The following LCP1 variants were observed in gnomAD, a reference collection of about 807,000 sequenced individuals.
LCP1 encodes the protein lymphocyte cytosolic protein 1, also known as plastin-2.
A neutral mutation model predicts 72.0 loss-of-function variants in LCP1; 23 were observed. The observed-to-expected ratio is 0.32, with a 90% confidence interval of 0.23 to 0.45. LCP1 has a LOEUF of 0.45. LCP1 is among the 20% of genes least tolerant of loss of function. The pLI, the probability that LCP1 is intolerant of heterozygous loss-of-function variation, is 1.00. For missense variants in LCP1, 571 were observed against 748.3 expected, an observed-to-expected ratio of 0.76 and a Z score of 2.76; for synonymous variants, 245 against 275.4, an observed-to-expected ratio of 0.89 and a Z score of 1.09.
chr13:46,139,453 T>C lies in LCP1; in HGVS notation c.1502+2839A>G, dbSNP rs571678873. 7.2e-5 allele frequency among the ~76,000 whole-genome samples: 11 copies of C among 152,368 alleles called. No homozygotes were observed. The East Asian group carries it at 2.1e-3, about 29-fold the overall frequency. The stretch of plus-strand genomic sequence containing the variant: ...GGATCTGCAGACAGTGGCTTGGAAC[T>C]AAAGCTGCAGTGCCTAGGCACACCA... On this transcript the variant is annotated intron_variant, in intron 13 of 15. Coordinates refer to ENST00000323076, the MANE Select transcript of LCP1 (RefSeq NM_002298.5).
At chr13:46,167,918 G>A (rs1045312399) in intron 1 of LCP1, among the ~76,000 whole-genome samples, 16 of 152,174 alleles carry the variant, frequency 1.1e-4, no homozygotes, top group South Asian at 2.1e-4. Flanking sequence ...GAGTTCTGAC[G>A]ATCAAAAACG....
intron 13 of LCP1, among the ~76,000 whole-genome samples, 198 bp downstream of exon 13, chr13:46,142,091 TAAC>T (rs1429481200): frequency 1.3e-5 from 2 of 150,308 alleles, no homozygotes; most frequent in Non-Finnish European, 3.0e-5. Context: ...ATGAACCTAA[TAAC>T]AGAGTTTCAC....
intron 14 of LCP1, among the ~76,000 whole-genome samples, chr13:46,131,908 G>C (rs1373326507): frequency 6.6e-6 from 1 of 152,008 alleles, no homozygotes; most frequent in African/African-American, 2.4e-5. Context: ...TCAGCACTAT[G>C]CTCACTATTT....
At chr13:46,172,402 T>A (rs1185577420) in intron 1 of LCP1, among the ~76,000 whole-genome samples, 1 of 151,878 alleles carries the variant, frequency 6.6e-6, no homozygotes, top group Non-Finnish European at 1.5e-5. Context: ...GAGAATCACT[T>A]GAACCCGGGA....
At chr13:46,155,356 T>C (rs1362363642) in intron 5 of LCP1, among the ~76,000 whole-genome samples, 1 of 152,184 alleles carries the variant, frequency 6.6e-6, no homozygotes, top group East Asian at 1.9e-4. Flanking sequence ...TTTATATCCT[T>C]CTCAGTGCCC....
chr13:46,171,830 C>T (rs915319128), intron 1 of LCP1, among the ~76,000 whole-genome samples: 1 of 152,270 alleles, frequency 6.6e-6, no homozygotes, highest in Non-Finnish European at 1.5e-5. Context: ...TCCAATTATA[C>T]GCAATTTTCT....
rs761106055 is a variant in LCP1, at chr13:46,127,686, C to T, written c.1789G>A (p.Val597Met). 4 of 1,614,066 alleles carry T rather than the reference C, an allele frequency of 2.5e-6. No homozygotes were observed. The highest frequency in any genetic ancestry group is 1.3e-5 in the African/African-American group (1 of 74,920). ...ISMARKIGAR[V>M]YALPEDLVEV... Reference sequence around the variant, plus strand: ...ACCAGGTCTTCTGGCAGGGCATACACTCTTGCTCCAATTTTTCGGGCCATA... The same window carrying T: ...ACCAGGTCTTCTGGCAGGGCATACATTCTTGCTCCAATTTTTCGGGCCATA... Residue 597 changes from valine to methionine, a missense_variant, in exon 16 of 16, where the codon GTG becomes ATG. Transcript: ENST00000323076.
intron 10 of LCP1, 108 bp from the exon 11 acceptor site, chr13:46,144,628 GA>G (rs1447944283): frequency 1.3e-6 from 1 of 754,248 alleles, no homozygotes; most frequent in East Asian, 2.5e-5. Flanking sequence ...TAGAATGAAA[GA>G]AAGAAATAAA....
Position 46,134,109 on chromosome 13 carries a change from G to C in LCP1, c.1626+18C>G. 6.2e-7 allele frequency: 1 copy of C among 1,612,792 alleles called. No homozygotes were observed. Among genetic ancestry groups the C allele is most frequent in the Non-Finnish European group, 8.5e-7 (1 of 1,179,282 alleles). On this transcript the variant is annotated intron_variant, in intron 14 of 15. Transcript: ENST00000323076. ...CATAGAGCTCAGATGGCCTCTAGCA[G>C]AAGACAAAGAATTTTACCTTGAAAC...
intron 5 of LCP1, 102 bp downstream of exon 5, chr13:46,156,336 G>T: frequency 7.2e-7 from 1 of 1,386,166 alleles, no homozygotes. Context: ...TCTAGGTGCA[G>T]CTGAGCACCA....
chr13:46,174,667 A>G (rs2045919625), intron 1 of LCP1, among the ~76,000 whole-genome samples: 1 of 152,020 alleles, frequency 6.6e-6, no homozygotes, highest in South Asian at 2.1e-4. Flanking sequence ...AATGTGGTGA[A>G]ACCCTGTCTC....
intron 13 of LCP1, 89 bp from the exon 14 acceptor site, chr13:46,134,339 G>A (rs1040023884): frequency 2.6e-5 from 33 of 1,253,100 alleles, no homozygotes; most frequent in South Asian, 4.0e-5. Flanking sequence ...TTTTTTTTTC[G>A]GGTATGTCAT....
intron 1 of LCP1, among the ~76,000 whole-genome samples, chr13:46,172,652 G>A (rs183234770): frequency 2.6e-5 from 4 of 152,264 alleles, no homozygotes; most frequent in East Asian, 3.9e-4. Flanking sequence ...CGTGCTGCTC[G>A]TTCTCACTAG....
At chr13:46,142,685 T>C (rs2045705666) in intron 12 of LCP1, 1 of 561,912 alleles carries the variant, frequency 1.8e-6, no homozygotes, top group Non-Finnish European at 3.4e-6. Context: ...TTCACAGCTA[T>C]ATCACACTGC....
Position 46,163,074 on chromosome 13 carries a change from C to G in LCP1, c.-24-3388G>C, listed in dbSNP as rs983944021. 6.3e-4 allele frequency among the ~76,000 whole-genome samples: 95 copies of G among 151,146 alleles called. 1 individual carries two copies. The highest frequency in any genetic ancestry group is 7.7e-4 in the Non-Finnish European group (52 of 67,708). On this transcript the variant is annotated intron_variant, in intron 1 of 15. Coordinates refer to ENST00000323076, the MANE Select transcript of LCP1 (RefSeq NM_002298.5). ...GGAGGGAGGTGGGGGGCGCCTCTGC[C>G]CTGCCGCCCCTTCTGAGAAGTGAGG...
At chr13:46,147,232 C>T in intron 9 of LCP1, 129 bp from the exon 10 acceptor site, 7 of 782,814 alleles carry the variant, frequency 8.9e-6, no homozygotes, top group Non-Finnish European at 1.3e-5. Flanking sequence ...CACTTAATAA[C>T]AGCACATTAT....
At chr13:46,136,067 C>T (rs1486001149) in intron 13 of LCP1, among the ~76,000 whole-genome samples, 1 of 134,180 alleles carries the variant, frequency 7.5e-6, no homozygotes, top group Non-Finnish European at 1.6e-5. Context: ...CCTTGCCCAT[C>T]GTGTGCTACA....
intron 4 of LCP1, among the ~76,000 whole-genome samples, chr13:46,157,856 C>CCCGTCTCAG (rs1303465260): frequency 1.3e-5 from 2 of 149,998 alleles, no homozygotes; most frequent in African/African-American, 4.9e-5. Flanking sequence ...AAGCGATTCT[C>CCCGTCTCAG]CTGTCTCAGC....
chr13:46,179,888 AG>A (rs1318204107), intron 1 of LCP1, among the ~76,000 whole-genome samples: 1 of 152,218 alleles, frequency 6.6e-6, no homozygotes, highest in Non-Finnish European at 1.5e-5. Flanking sequence ...ATAGTTCTTC[AG>A]CCCATTATTA....
Sources: gnomAD v4.1 joint callset for allele counts (sites outside exome capture counted in the v4.1 genomes callset) on GRCh38, gnomAD v4.1.1 for gene constraint, MANE v1.5 for transcripts, NCBI Gene and HGNC (gene_info 2026-07-23, HGNC 2026-07-21) for gene names.